Variants in NDUFB7 observed in about 807,000 individuals in gnomAD.
The protein encoded by NDUFB7 is NADH dehydrogenase [ubiquinone] 1 beta subcomplex subunit 7.
A neutral mutation model predicts 14.7 loss-of-function variants in NDUFB7; 18 were observed. The observed-to-expected ratio is 1.22, with a 90% CI of 0.85 to 1.81. The LOEUF is 1.81. NDUFB7 is among the 40% of genes most tolerant of loss of function. NDUFB7 has a pLI of 0.00. For synonymous variants in NDUFB7, 86 were observed against 76.1 expected, an observed-to-expected ratio of 1.13 and a Z score of -0.68; for missense variants, 219 against 195.0, an observed-to-expected ratio of 1.12 and a Z score of -0.73.
intron 1 of NDUFB7, among the ~76,000 whole-genome samples, chr19:14,569,617 G>A (rs570929504): frequency 6.6e-6 from 1 of 152,354 alleles, no homozygotes; most frequent in South Asian, 2.1e-4. Context: ...AGGTATGTGA[G>A]GCAGTGGGAG....
rs28546624 is a variant in NDUFB7, at chr19:14,567,564, G to A, written c.113-631C>T. On this transcript the variant is annotated intron_variant, in intron 1 of 2. Transcript: ENST00000215565. This position sits in a 1 kb window ranked among gnomAD's most constrained non-coding sequence, Gnocchi z 5.1. ...CCACTCACCTAGCAAACCTGACTCC[G>A]GACAAATCAACCTTCAGGAGGGGGC... is the stretch of plus-strand genomic sequence containing the variant. 0.034 allele frequency among the ~76,000 whole-genome samples: 5,225 copies of A among 151,992 alleles called. 296 individuals are homozygous for A. The highest frequency in any genetic ancestry group is 0.12 in the African/African-American group (4,953 of 41,404).
chr19:14,567,029 C>G lies in NDUFB7; in HGVS notation c.113-96G>C. 1 of 1,287,804 alleles carries G rather than the reference C, an allele frequency of 7.8e-7. No individual in the cohort carries two copies. Among genetic ancestry groups the G allele is most frequent in the Non-Finnish European group, 1.1e-6 (1 of 944,922 alleles). The allele number at this position is 1,287,804 out of a possible 1,614,324, so 79.8% of individuals were successfully genotyped here. The stretch of plus-strand genomic sequence containing the variant: ...CGAGGCACACGGCTTCAGGAAGGCA[C>G]GGCTTGGGGTGTCCCCCATTCACAT... On this transcript the variant is annotated intron_variant, in intron 1 of 2. Transcript: ENST00000215565. The surrounding 1 kb of genome is among the most constrained non-coding windows in gnomAD (Gnocchi z 5.1).
rs1739423666 is a variant in NDUFB7 at position 14,567,005 on chromosome 19, G to A, written c.113-72C>T. On this transcript the variant is annotated intron_variant, in intron 1 of 2. Transcript: ENST00000215565. This position sits in a 1 kb window ranked among gnomAD's most constrained non-coding sequence, Gnocchi z 5.1. ...CAATTCCGGGGATCCCCAGGGGACCGAGGCACACGGCTTCAGGAAGGCACG... is the reference window on the plus strand; with the variant it reads ...CAATTCCGGGGATCCCCAGGGGACCAAGGCACACGGCTTCAGGAAGGCACG... The A allele has an allele frequency of 9.6e-6, 14 of 1,456,608 alleles. No homozygotes were observed. The highest frequency in any genetic ancestry group is 4.3e-5 in the Admixed American group (2 of 46,990). The allele number at this position is 1,456,608 out of a possible 1,614,324, so 90.2% of individuals were successfully genotyped here.
At position 14,567,756 on chromosome 19, in the gene NDUFB7, A is replaced by T. The variant is rs1279547221; in HGVS notation, c.113-823T>A. ...CCCATCTGCGCAAGTGAGACGAGAT[A>T]TATTCACATCTCAATGGCAGTCGTC... On this transcript the variant is annotated intron_variant, in intron 1 of 2. Coordinates refer to ENST00000215565, the MANE Select transcript of NDUFB7 (RefSeq NM_004146.6). The surrounding 1 kb of genome is among the most constrained non-coding windows in gnomAD (Gnocchi z 5.1). Among the ~76,000 whole-genome samples the T allele has an allele frequency of 6.6e-6, 1 of 151,952 alleles. No homozygotes were observed. Among genetic ancestry groups the T allele is most frequent in the Non-Finnish European group, 1.5e-5 (1 of 67,984 alleles).
intron 1 of NDUFB7, among the ~76,000 whole-genome samples, chr19:14,569,506 G>T (rs1160144260): frequency 6.6e-6 from 1 of 152,110 alleles, no homozygotes; most frequent in Non-Finnish European, 1.5e-5. Flanking sequence ...GTTGCACGGG[G>T]ATAGGCACCA....
Position 14,566,153 on chromosome 19 carries a change from C to T in NDUFB7, c.394G>A (p.Asp132Asn). 1 of 1,612,458 alleles carries T rather than the reference C, an allele frequency of 6.2e-7. No homozygotes were observed. The highest frequency in any genetic ancestry group is 8.5e-7 in the Non-Finnish European group (1 of 1,179,368). The change falls in exon 3 of 3, where the codon GAC (aspartate) becomes AAC (asparagine). Residue 132 changes from aspartate (D) to asparagine (N), a missense_variant. Physicochemically the swap from Asp to Asn is conservative, Grantham distance 23. Transcript: ENST00000215565. ...ACCCCCTACAGGGCCACCTTGGGGT[C>T]CACTTCCCCGGGTCCCTGGCCTTTG... is the stretch of plus-strand genomic sequence containing the variant. ...LAKGQGPGEV[D>N]PKVAL
rs375409166 is a variant in NDUFB7, at chr19:14,566,191, G to T, written c.356C>A (p.Ala119Glu). The change falls in exon 3 of 3, where the codon GCG becomes GAG. Residue 119 changes from alanine (A) to glutamate (E), a missense_variant. Ala to Glu is a moderately radical substitution (Grantham distance 107, BLOSUM62 -1). Coordinates refer to ENST00000215565, the MANE Select transcript of NDUFB7 (RefSeq NM_004146.6). ...TCCCTGGCCTTTGGCCAACTCTGCCGCCTTCTTCTCCCGCCGCTTCTTCCG... is the reference window on the plus strand; with the variant it reads ...TCCCTGGCCTTTGGCCAACTCTGCCTCCTTCTTCTCCCGCCGCTTCTTCCG... ...LQRKKRREKK[A>E]AELAKGQGPG... 6.2e-7 allele frequency: 1 copy of T among 1,613,716 alleles called. No homozygotes were observed. The highest frequency in any genetic ancestry group is 8.5e-7 in the Non-Finnish European group (1 of 1,179,934).
At chr19:14,566,649 A>T in intron 2 of NDUFB7, 116 bp downstream of exon 2, 1 of 405,920 alleles carries the variant, frequency 2.5e-6, no homozygotes, top group Non-Finnish European at 3.7e-6. Context: ...CGGGGGTGGG[A>T]GGGGGGCTTG....
At position 14,566,828 on chromosome 19, in the gene NDUFB7, C is replaced by A. The variant is rs13018; in HGVS notation, c.218G>T (p.Ser73Ile). 3.2e-6 allele frequency: 5 copies of A among 1,553,590 alleles called. No homozygotes were observed. The change falls in exon 2 of 3, where the codon AGC (serine) becomes ATC (isoleucine). Residue 73 changes from serine to isoleucine, a missense_variant. Coordinates refer to ENST00000215565, the MANE Select transcript of NDUFB7 (RefSeq NM_004146.6). ...CTTGCAGGCCAGGAAGTTGGGGAAG[C>A]TGTCACGCTTGCACTTGAGCAGCCG... The part of the protein sequence containing the change: ...LIRLLKCKRD[S>I]FPNFLACKQE...
chr19:14,569,307 C>A (rs1158220799), intron 1 of NDUFB7, among the ~76,000 whole-genome samples: 3 of 152,086 alleles, frequency 2.0e-5, no homozygotes, highest in African/African-American at 7.2e-5. Context: ...CCACACCCAG[C>A]TAATTAAAAA....
chr19:14,567,986 C>G lies in NDUFB7; in HGVS notation c.113-1053G>C, dbSNP rs2074103445. Among the ~76,000 whole-genome samples the G allele has an allele frequency of 6.6e-6, 1 of 152,234 alleles. No homozygotes were observed. Among genetic ancestry groups the G allele is most frequent in the Non-Finnish European group, 1.5e-5 (1 of 68,032 alleles). ...CTTTCCTGTGGCTCCTCCCACATCC[C>G]TCCTCCCCAGGTTTCCTCCCATCTC... is the stretch of plus-strand genomic sequence containing the variant. On this transcript the variant is annotated intron_variant, in intron 1 of 2. Transcript: ENST00000215565. This position sits in a 1 kb window ranked among gnomAD's most constrained non-coding sequence, Gnocchi z 5.1.
At chr19:14,569,508 T>C (rs187476670) in intron 1 of NDUFB7, among the ~76,000 whole-genome samples, 10 of 152,024 alleles carry the variant, frequency 6.6e-5, no homozygotes, top group East Asian at 3.9e-4. Flanking sequence ...TGCACGGGGA[T>C]AGGCACCAAG....
chr19:14,572,019 T>C lies in NDUFB7; in HGVS notation c.-19A>G, dbSNP rs1048326321. 20 of 1,562,128 alleles carry C rather than the reference T, an allele frequency of 1.3e-5. No homozygotes were observed. Among genetic ancestry groups the C allele is most frequent in the Non-Finnish European group, 1.7e-5 (20 of 1,149,706 alleles). ...CCCCCATGGCTGCAGTCGCTGCAGA[T>C]CCCTGCAGCAGCCGAGGGTCACCTA... is the stretch of plus-strand genomic sequence containing the variant. On this transcript the variant is annotated 5_prime_UTR_variant, in exon 1 of 3. Coordinates refer to ENST00000215565, the MANE Select transcript of NDUFB7 (RefSeq NM_004146.6).
At position 14,566,757 on chromosome 19, in the gene NDUFB7, GTGC is replaced by G; in HGVS notation, c.281+5_281+7del. 1 of 1,540,770 alleles carries G rather than the reference GTGC, an allele frequency of 6.5e-7. No homozygotes were observed. Among genetic ancestry groups the G allele is most frequent in the Non-Finnish European group, 8.7e-7 (1 of 1,145,494 alleles). On this transcript the variant is annotated splice_donor_5th_base_variant and intron_variant, in intron 2 of 2. Coordinates refer to ENST00000215565, the MANE Select transcript of NDUFB7 (RefSeq NM_004146.6). ...CGGGGTGTTGGGGGCTGGTGTGGGG[GTGC>G]TCACTCGCGGTGCTCGCAGTAGTCC...
chr19:14,571,902 T>C lies in NDUFB7; in HGVS notation c.99A>G (p.Glu33=), dbSNP rs745804254. Residue 33 remains glutamate, a synonymous_variant, in exon 1 of 3, where the codon GAA becomes GAG. Coordinates refer to ENST00000215565, the MANE Select transcript of NDUFB7 (RefSeq NM_004146.6). ...PTFPPDYGFP[E]RKEREMVATQ... The stretch of plus-strand genomic sequence containing the variant: ...ACTGGGCCTCACCGCGCTCCTTGCG[T>C]TCGGGGAAGCCGTAGTCTGGCGGGA... The C allele has an allele frequency of 1.2e-6, 2 of 1,610,378 alleles. No individual in the cohort carries two copies. The highest frequency in any genetic ancestry group is 2.2e-5 in the East Asian group (1 of 44,794).
chr19:14,571,065 G>A (rs535098123), intron 1 of NDUFB7, among the ~76,000 whole-genome samples: 3 of 152,096 alleles, frequency 2.0e-5, no homozygotes, highest in Non-Finnish European at 4.4e-5. Context: ...GGCTGAGGCG[G>A]GAGGATCATT....
Position 14,566,929 on chromosome 19 carries a change from C to T in NDUFB7, c.117G>A (p.Met39Ile), listed in dbSNP as rs773042976. The change falls in exon 2 of 3, where the codon ATG (methionine) becomes ATA (isoleucine). Residue 39 changes from methionine (M) to isoleucine (I), a missense_variant. Physicochemically the swap from Met to Ile is conservative, Grantham distance 10. Transcript: ENST00000215565. ...CCATCATCTCCTGCTGTGTGGCCACCATCTCTGCAGGGAGTGGGCGGGGCT... is the reference window on the plus strand; with the variant it reads ...CCATCATCTCCTGCTGTGTGGCCACTATCTCTGCAGGGAGTGGGCGGGGCT... ...YGFPERKERE[M>I]VATQQEMMDA... 7 of 1,582,036 alleles carry T rather than the reference C, an allele frequency of 4.4e-6. No homozygotes were observed. In the South Asian group the frequency reaches 8.0e-5, roughly 18 times the overall value.
At position 14,566,371 on chromosome 19, in the gene NDUFB7, TGAA is replaced by T. The variant is rs1417239055; in HGVS notation, c.282-109_282-107del. The T allele has an allele frequency of 1.5e-5, 23 of 1,546,234 alleles. No individual in the cohort carries two copies. The Admixed American group carries it at 3.8e-4, about 26-fold the overall frequency. On this transcript the variant is annotated intron_variant, in intron 2 of 2. Coordinates refer to ENST00000215565, the MANE Select transcript of NDUFB7 (RefSeq NM_004146.6). ...CCCAGAGCACTGTGGGGGAGGCCTC[TGAA>T]GAAGACATGTCCGAGTGCCTGTGGC... is the stretch of plus-strand genomic sequence containing the variant.
intron 1 of NDUFB7, among the ~76,000 whole-genome samples, chr19:14,570,461 AAGTGCT>A (rs2074118327): frequency 6.6e-6 from 1 of 151,866 alleles, no homozygotes; most frequent in Admixed American, 6.6e-5. Context: ...CGGCCTCCCA[AAGTGCT>A]GGGATTATGG....
Sources: gnomAD v4.1 joint callset for allele counts (sites outside exome capture counted in the v4.1 genomes callset) on GRCh38, gnomAD v4.1.1 for gene constraint, Gnocchi (gnomAD v3.1) non-coding constraint, MANE v1.5 for transcripts, NCBI Gene and HGNC (gene_info 2026-07-23, HGNC 2026-07-21) for gene names.